Variants in CACNA1B observed in about 807,000 individuals in gnomAD.
CACNA1B encodes the protein voltage-dependent N-type calcium channel subunit alpha-1B.
A neutral mutation model predicts 247.2 loss-of-function variants in CACNA1B; 70 were observed. The ratio of observed to expected loss-of-function variants is 0.28; its 90% CI spans 0.23 to 0.35. The LOEUF (loss-of-function observed/expected upper bound fraction) is 0.35, where lower values mean the gene tolerates loss of function less well. CACNA1B is among the 10% of genes least tolerant of loss of function. The pLI, the probability that CACNA1B is intolerant of heterozygous loss-of-function variation, is 1.00. For synonymous variants in CACNA1B, 1,231 were observed against 1,294.4 expected (o/e 0.95, Z 1.05); for missense variants, 2,367 against 3,197.4 (o/e 0.74, Z 6.26).
At chr9:137,926,157 C>T (rs150690127) in intron 6 of CACNA1B, among the ~76,000 whole-genome samples, 1 of 149,776 alleles carries the variant, frequency 6.7e-6, no homozygotes, top group African/African-American at 2.4e-5. Context: ...GCAAGCTCTG[C>T]CCCCTGGATT....
intron 20 of CACNA1B, among the ~76,000 whole-genome samples, chr9:138,039,742 G>T (rs1416137161): frequency 6.6e-6 from 1 of 151,880 alleles, no homozygotes; most frequent in Non-Finnish European, 1.5e-5. Context: ...CTGTGCCTTG[G>T]CTTTATGGTC....
chr9:137,984,378 T>G (rs1564221460), intron 13 of CACNA1B, 128 bp downstream of exon 13: 6 of 706,732 alleles, frequency 8.5e-6, no homozygotes, highest in Admixed American at 2.4e-5. Flanking sequence ...ATAGTTGATT[T>G]AAATACAAAA....
At chr9:138,015,073 G>A (rs1468300690) in intron 18 of CACNA1B, among the ~76,000 whole-genome samples, 1 of 152,138 alleles carries the variant, frequency 6.6e-6, no homozygotes, top group East Asian at 1.9e-4. Context: ...GGGACCCCTA[G>A]GTGTTCTGCC....
intron 6 of CACNA1B, among the ~76,000 whole-genome samples, chr9:137,930,838 G>T (rs1957599362): frequency 6.6e-6 from 1 of 151,714 alleles, no homozygotes; most frequent in Non-Finnish European, 1.5e-5. Flanking sequence ...TTATATACAT[G>T]TTTCCCTGTG....
chr9:137,883,789 G>T (rs1475114966), intron 3 of CACNA1B, among the ~76,000 whole-genome samples: 4 of 152,158 alleles, frequency 2.6e-5, no homozygotes, highest in African/African-American at 4.8e-5. Context: ...TGGTTCCGAG[G>T]CTCAGAGCCC....
rs1554738159 is a variant in CACNA1B at position 137,955,774 on chromosome 9, C to T, written c.1147C>T (p.Arg383Ter). The T allele has an allele frequency of 6.2e-7, 1 of 1,612,088 alleles. No individual in the cohort carries two copies. Among genetic ancestry groups the T allele is most frequent in the Non-Finnish European group, 8.5e-7 (1 of 1,179,098 alleles). The change falls in exon 8 of 47, where the codon CGA becomes TGA. Residue 383 changes from arginine to a stop codon, truncating the protein, a stop_gained. Coordinates refer to ENST00000371372, the MANE Select transcript of CACNA1B (RefSeq NM_000718.4). LOFTEE classifies it high-confidence loss of function. This position sits in a 1 kb window ranked among gnomAD's most constrained non-coding sequence, Gnocchi z 6.9. ...LKLRRQQQIE[R>*]ELNGYLEWIF... is the part of the protein sequence containing the mutation. ...GCTGCGCCGGCAGCAGCAGATCGAG[C>T]GAGAGCTCAACGGGTACCTGGAGTG...
rs1427352789 is a variant in CACNA1B at position 138,121,549 on chromosome 9, C to T, written c.6570C>T (p.Leu2190=). ...STPGRGGRRQ[L]PQTPLTPRPS... is the part of the protein sequence containing the mutation. The stretch of plus-strand genomic sequence containing the variant: ...CCGGCCGCGGTGGGCGGAGGCAGCT[C>T]CCCCAGACGCCCCTGACTCCCCGCC... The change falls in exon 47 of 47, where the codon CTC becomes CTT. Residue 2190 remains leucine (L), a synonymous_variant. Transcript: ENST00000371372. The surrounding 1 kb of genome is among the most constrained non-coding windows in gnomAD (Gnocchi z 6.8). The T allele has an allele frequency of 1.9e-6, 3 of 1,598,716 alleles. No individual in the cohort carries two copies. Among genetic ancestry groups the T allele is most frequent in the Non-Finnish European group, 2.6e-6 (3 of 1,170,470 alleles).
At chr9:138,070,349 T>C (rs2133530215) in intron 32 of CACNA1B, among the ~76,000 whole-genome samples, 1 of 152,256 alleles carries the variant, frequency 6.6e-6, no homozygotes, top group South Asian at 2.1e-4. Context: ...TCAGGAGGGT[T>C]CTTGTAGGGC....
At chr9:137,941,785 A>G (rs898796802) in intron 6 of CACNA1B, among the ~76,000 whole-genome samples, 1 of 152,232 alleles carries the variant, frequency 6.6e-6, no homozygotes, top group African/African-American at 2.4e-5. Flanking sequence ...CACATGTAGG[A>G]GAATGAAACT....
In CACNA1B at chr9:137,984,323, T is replaced by C. The variant is rs995470213; in HGVS notation, c.1769+73T>C. 16 of 1,071,816 alleles carry C rather than the reference T, an allele frequency of 1.5e-5. No homozygotes were observed. The Admixed American group carries it at 2.4e-4, about 16-fold the overall frequency. 66.4% of individuals were successfully genotyped at this position (1,071,816 alleles called of 1,614,324 possible). ...GCGTGGGATCAGCCACACAGGGTGCTTGTCCCCAGGAGTTCACAGCACCCA... is the reference window on the plus strand; with the variant it reads ...GCGTGGGATCAGCCACACAGGGTGCCTGTCCCCAGGAGTTCACAGCACCCA... On this transcript the variant is annotated intron_variant, in intron 13 of 46. Coordinates refer to ENST00000371372, the MANE Select transcript of CACNA1B (RefSeq NM_000718.4).
rs1959284675 is a variant in CACNA1B at position 138,051,637 on chromosome 9, G to A, written c.3711-455G>A. ...AATGTTAGGACGGCTGAGGAGATCT[G>A]TAGGGCAGAGGCCAGACAGGTCCCC... On this transcript the variant is annotated intron_variant, in intron 24 of 46. Transcript: ENST00000371372. The surrounding 1 kb of genome is among the most constrained non-coding windows in gnomAD (Gnocchi z 4.3). Among the ~76,000 whole-genome samples, 1 of 152,028 alleles carries A rather than the reference G, an allele frequency of 6.6e-6. No individual in the cohort carries two copies. The highest frequency in any genetic ancestry group is 2.1e-4 in the South Asian group (1 of 4,826).
At chr9:137,908,057 A>C (rs1462557317) in intron 3 of CACNA1B, among the ~76,000 whole-genome samples, 1 of 152,154 alleles carries the variant, frequency 6.6e-6, no homozygotes, top group Non-Finnish European at 1.5e-5. Context: ...CAGAGTATTA[A>C]TTATTTTAGC....
chr9:138,003,657 C>T (rs1958609143), intron 15 of CACNA1B, among the ~76,000 whole-genome samples: 1 of 151,720 alleles, frequency 6.6e-6, no homozygotes, highest in South Asian at 2.1e-4. Context: ...ATAAGCAAGT[C>T]TCAAAAGTCA....
chr9:137,912,751 C>T (rs748545889), intron 3 of CACNA1B, among the ~76,000 whole-genome samples: 2 of 152,154 alleles, frequency 1.3e-5, no homozygotes, highest in African/African-American at 4.8e-5. Context: ...CAGGCTCCAT[C>T]CTGCTCCTGC....
chr9:137,914,824 C>G lies in CACNA1B; in HGVS notation c.775+18C>G, dbSNP rs1360207382. On this transcript the variant is annotated intron_variant, in intron 5 of 46. Transcript: ENST00000371372. The surrounding 1 kb of genome is among the most constrained non-coding windows in gnomAD (Gnocchi z 4.3). ...CAGCACAGGTGAGGCCAGGCAGCACCCTCCAGCACAGGCAAGTGCCACGGA... is the reference window on the plus strand; with the variant it reads ...CAGCACAGGTGAGGCCAGGCAGCACGCTCCAGCACAGGCAAGTGCCACGGA... 3 of 1,613,250 alleles carry G rather than the reference C, an allele frequency of 1.9e-6. No individual in the cohort carries two copies. Among genetic ancestry groups the G allele is most frequent in the Non-Finnish European group, 2.5e-6 (3 of 1,179,476 alleles).
chr9:138,120,162 C>T lies in CACNA1B; in HGVS notation c.6031-3C>T, dbSNP rs1962031572. On this transcript the variant is annotated splice_region_variant and splice_polypyrimidine_tract_variant and intron_variant, in intron 44 of 46. Coordinates refer to ENST00000371372, the MANE Select transcript of CACNA1B (RefSeq NM_000718.4). ...AGGCCCACTCTCAGTCCTTTGCCCA[C>T]AGCCCGTCACAGATGCCAGCCCCAT... 6.3e-7 allele frequency: 1 copy of T among 1,595,596 alleles called. No individual in the cohort carries two copies. Among genetic ancestry groups the T allele is most frequent in the African/African-American group, 1.3e-5 (1 of 74,280 alleles).
intron 6 of CACNA1B, among the ~76,000 whole-genome samples, chr9:137,949,233 G>GTTTA (rs771706608): frequency 6.7e-5 from 1 of 14,842 alleles, no homozygotes; most frequent in Non-Finnish European, 1.6e-4. Context: ...TGTGTGTGTG[G>GTTTA]TGTATGCATG....
In CACNA1B at chr9:138,058,587, G is replaced by A. The variant is rs1959600023; in HGVS notation, c.4327G>A (p.Ala1443Thr). ...EKNERACIDF[A>T]ISAKPLTRYM... is the part of the protein sequence containing the mutation. The stretch of plus-strand genomic sequence containing the variant: ...CTTACAGAGGGCTTGCATTGACTTC[G>A]CCATCAGCGCCAAACCCCTGACACG... The change falls in exon 29 of 47, where the codon GCC becomes ACC. Residue 1443 changes from alanine to threonine, a missense_variant. Ala to Thr is a moderately conservative substitution (Grantham distance 58, BLOSUM62 0). Coordinates refer to ENST00000371372, the MANE Select transcript of CACNA1B (RefSeq NM_000718.4). The surrounding 1 kb of genome is among the most constrained non-coding windows in gnomAD (Gnocchi z 4.7). 6 of 1,611,126 alleles carry A rather than the reference G, an allele frequency of 3.7e-6. No individual in the cohort carries two copies. Among genetic ancestry groups the A allele is most frequent in the Non-Finnish European group, 5.1e-6 (6 of 1,179,216 alleles).
rs532117316 is a variant in CACNA1B, at chr9:138,113,398, A to G, written c.5536+893A>G. On this transcript the variant is annotated intron_variant, in intron 40 of 46. Coordinates refer to ENST00000371372, the MANE Select transcript of CACNA1B (RefSeq NM_000718.4). ...GGAGCACGGGGAGGTGCCCAACTCCATCTTATGGGATACGTGAGGGAACAC... is the reference window on the plus strand; with the variant it reads ...GGAGCACGGGGAGGTGCCCAACTCCGTCTTATGGGATACGTGAGGGAACAC... 7.2e-4 allele frequency among the ~76,000 whole-genome samples: 104 copies of G among 144,302 alleles called. 1 individual carries two copies. Among genetic ancestry groups the G allele is most frequent in the African/African-American group, 2.1e-3 (79 of 38,458 alleles). 94.7% of individuals were successfully genotyped at this position (144,302 alleles called of 152,430 possible).
Sources: allele counts gnomAD v4.1 joint callset (sites outside exome capture counted in the v4.1 genomes callset), GRCh38; gene constraint gnomAD v4.1.1; non-coding constraint Gnocchi (gnomAD v3.1); transcripts MANE v1.5; gene names NCBI Gene and HGNC (gene_info 2026-07-23, HGNC 2026-07-21).